The following ONECUT3 variants were observed in gnomAD, a reference collection of about 807,000 sequenced individuals.
ONECUT3 encodes the protein one cut domain family member 3.
Under a neutral mutation model 16.8 loss-of-function variants are expected in ONECUT3, and 11 were observed. The observed-to-expected ratio is 0.66, with a 90% CI of 0.41 to 1.09. The LOEUF is 1.09. Among genes scored for constraint, ONECUT3 ranks in the 50% least tolerant of loss-of-function variants. ONECUT3 has a pLI of 0.00. For synonymous variants in ONECUT3, 344 were observed against 310.7 expected (o/e 1.11, Z -1.13); for missense variants, 637 against 629.9 (o/e 1.01, Z -0.12).
At chr19:1,771,807 A>T (rs1404507488) in intron 1 of ONECUT3, among the ~76,000 whole-genome samples, 7 of 151,790 alleles carry the variant, frequency 4.6e-5, no homozygotes, top group African/African-American at 1.7e-4. Context: ...AGCATCCTGA[A>T]TAACTGGGAC....
chr19:1,761,781 C>G (rs182482959), intron 1 of ONECUT3, among the ~76,000 whole-genome samples: 1 of 152,214 alleles, frequency 6.6e-6, no homozygotes, highest in South Asian at 2.1e-4. Context: ...GGGACACCTA[C>G]GGCCTCAGTT....
rs1036695682 is a variant in ONECUT3, at chr19:1,766,803, C to A, written c.1193-8350C>A. ...CCGCAGCAGGGTCTTGCAGGCTGGG[C>A]TGAGACCCCCCCCCCATGCTCCACC... On this transcript the variant is annotated intron_variant, in intron 1 of 1. Transcript: ENST00000382349. This position sits in a 1 kb window ranked among gnomAD's most constrained non-coding sequence, Gnocchi z 4.0. Among the ~76,000 whole-genome samples, 2 of 147,864 alleles carry A rather than the reference C, an allele frequency of 1.4e-5. No homozygotes were observed. The highest frequency in any genetic ancestry group is 5.3e-5 in the African/African-American group (2 of 37,986).
At position 1,775,603 on chromosome 19, in the gene ONECUT3, C is replaced by T. The variant is rs1280381951; in HGVS notation, c.*158C>T. ...CACCCGGGGAGGGGGAAGCAGCACA[C>T]CCCCCAGCCCAAGTGCACAAAAAGG... On this transcript the variant is annotated 3_prime_UTR_variant, in exon 2 of 2. Transcript: ENST00000382349. The T allele has an allele frequency of 4.7e-6, 3 of 637,070 alleles. No individual in the cohort carries two copies. Among genetic ancestry groups the T allele is most frequent in the African/African-American group, 2.0e-5 (1 of 50,414 alleles). The allele number at this position is 637,070 out of a possible 1,614,324, so 39.5% of individuals were successfully genotyped here. A position where few individuals can be genotyped will look rare whatever the true frequency, so the allele number is the denominator to read the frequency against.
chr19:1,763,366 C>CAAAAAAAAAAAAAAAAAAAAAAAACAAA (rs2067957002), intron 1 of ONECUT3, among the ~76,000 whole-genome samples: 1 of 36,794 alleles, frequency 2.7e-5, no homozygotes, highest in African/African-American at 6.6e-5. Context: ...GACTCCATCT[C>CAAAAAAAAAAAAAAAAAAAAAAAACAAA]AAAAAAAAAA....
chr19:1,755,227 G>A lies in ONECUT3; in HGVS notation c.1192+373G>A, dbSNP rs1427915309. On this transcript the variant is annotated intron_variant, in intron 1 of 1. Coordinates refer to ENST00000382349, the MANE Select transcript of ONECUT3 (RefSeq NM_001080488.2). This position sits in a 1 kb window ranked among gnomAD's most constrained non-coding sequence, Gnocchi z 7.5. ...TGTGTGAGCGCGCGCCTGTTGGGGG[G>A]AGCTGTGTCCCCGAACGAGCTGCTG... 6.6e-6 allele frequency among the ~76,000 whole-genome samples: 1 copy of A among 151,802 alleles called. No individual in the cohort carries two copies. The highest frequency in any genetic ancestry group is 1.5e-5 in the Non-Finnish European group (1 of 67,932).
At chr19:1,772,414 C>A (rs914606630) in intron 1 of ONECUT3, among the ~76,000 whole-genome samples, 1 of 151,682 alleles carries the variant, frequency 6.6e-6, no homozygotes, top group African/African-American at 2.4e-5. Flanking sequence ...AGCCTTGAAC[C>A]CCCAGCCTCA....
chr19:1,774,030 G>C (rs2068081957), intron 1 of ONECUT3, among the ~76,000 whole-genome samples: 1 of 152,148 alleles, frequency 6.6e-6, no homozygotes, highest in Admixed American at 6.5e-5. Flanking sequence ...CAAGAGGAAG[G>C]GTGACCTGCT....
Position 1,764,333 on chromosome 19 carries a change from C to A in ONECUT3, c.1192+9479C>A, listed in dbSNP as rs910276341. 6.6e-6 allele frequency among the ~76,000 whole-genome samples: 1 copy of A among 152,138 alleles called. No homozygotes were observed. Among genetic ancestry groups the A allele is most frequent in the Non-Finnish European group, 1.5e-5 (1 of 68,022 alleles). The stretch of plus-strand genomic sequence containing the variant: ...CACGAGGGAGGGACAGCCCGAGAGT[C>A]CAAGTGGAAATGCGTTTCCCGGTTA... On this transcript the variant is annotated intron_variant, in intron 1 of 1. Transcript: ENST00000382349. The surrounding 1 kb of genome is among the most constrained non-coding windows in gnomAD (Gnocchi z 5.0).
chr19:1,769,080 T>C (rs2068028189), intron 1 of ONECUT3, among the ~76,000 whole-genome samples: 1 of 118,478 alleles, frequency 8.4e-6, no homozygotes, highest in Non-Finnish European at 1.7e-5. Context: ...GTGGTGGAAG[T>C]GGAGGTGGAG....
intron 1 of ONECUT3, among the ~76,000 whole-genome samples, chr19:1,765,758 G>C (rs73515185): frequency 0.036 from 5,445 of 152,316 alleles, 262 homozygotes; most frequent in East Asian, 0.19. Context: ...AGAGAGGCCA[G>C]GGTGCGCGTT....
rs544635433 is a variant in ONECUT3 at position 1,755,959 on chromosome 19, C to T, written c.1192+1105C>T. Among the ~76,000 whole-genome samples, 7 of 152,316 alleles carry T rather than the reference C, an allele frequency of 4.6e-5. No individual in the cohort carries two copies. Among genetic ancestry groups the T allele is most frequent in the Non-Finnish European group, 7.4e-5 (5 of 68,020 alleles). ...GTGGTGCTGGGGAGGGGGCTGTCCA[C>T]CCGGGCCACAGGGACAATAGCCGCG... is the stretch of plus-strand genomic sequence containing the variant. On this transcript the variant is annotated intron_variant, in intron 1 of 1. Transcript: ENST00000382349. This position sits in a 1 kb window ranked among gnomAD's most constrained non-coding sequence, Gnocchi z 7.5.
Position 1,754,179 on chromosome 19 carries a change from G to T in ONECUT3, c.517G>T (p.Asp173Tyr). 8.9e-7 allele frequency: 1 copy of T among 1,123,758 alleles called. No individual in the cohort carries two copies. Among genetic ancestry groups the T allele is most frequent in the Non-Finnish European group, 1.1e-6 (1 of 909,276 alleles). 69.6% of individuals were successfully genotyped at this position (1,123,758 alleles called of 1,614,324 possible). The change falls in exon 1 of 2, where the codon GAC becomes TAC. Residue 173 changes from aspartate (D) to tyrosine (Y), a missense_variant. By Grantham distance (160) the Asp-to-Tyr change is radical. This residue lies in a region of ONECUT3 where 419 missense variants were observed against 377.9 expected (regional missense o/e 1.11). Coordinates refer to ENST00000382349, the MANE Select transcript of ONECUT3 (RefSeq NM_001080488.2). The surrounding 1 kb of genome is among the most constrained non-coding windows in gnomAD (Gnocchi z 7.4). ...GAGCGGCAGCTTCACCCTCATGCGC[G>T]ACGAGCGGGCGGCGCTCGCCTCCGT... ...SVSGSFTLMRDERAALASVGH... is the reference protein window; with the variant it reads ...SVSGSFTLMRYERAALASVGH...
At position 1,758,128 on chromosome 19, in the gene ONECUT3, G is replaced by T. The variant is rs1330024636; in HGVS notation, c.1192+3274G>T. Among the ~76,000 whole-genome samples, 1 of 152,070 alleles carries T rather than the reference G, an allele frequency of 6.6e-6. No homozygotes were observed. Among genetic ancestry groups the T allele is most frequent in the African/African-American group, 2.4e-5 (1 of 41,404 alleles). On this transcript the variant is annotated intron_variant, in intron 1 of 1. Transcript: ENST00000382349. This position sits in a 1 kb window ranked among gnomAD's most constrained non-coding sequence, Gnocchi z 5.9. Reference sequence around the variant, plus strand: ...GGAGGGAGAAAGACCCGCAGGTGCAGACGGAGAGGGAGGGGGAGACGGGGA... The same window carrying T: ...GGAGGGAGAAAGACCCGCAGGTGCATACGGAGAGGGAGGGGGAGACGGGGA...
rs868547356 is a variant in ONECUT3 at position 1,755,568 on chromosome 19, C to T, written c.1192+714C>T. On this transcript the variant is annotated intron_variant, in intron 1 of 1. Transcript: ENST00000382349. This position sits in a 1 kb window ranked among gnomAD's most constrained non-coding sequence, Gnocchi z 7.5. ...ACACCCCGACCCGGCGCCCGCCCCG[C>T]GCAGTTTGGTCGTGGCTCGGGTGCG... 1.3e-5 allele frequency among the ~76,000 whole-genome samples: 2 copies of T among 151,992 alleles called. No homozygotes were observed. The highest frequency in any genetic ancestry group is 3.4e-3 in the Middle Eastern group (1 of 290).
In ONECUT3 at chr19:1,775,509, C is replaced by T; in HGVS notation, c.*64C>T. On this transcript the variant is annotated 3_prime_UTR_variant, in exon 2 of 2. Coordinates refer to ENST00000382349, the MANE Select transcript of ONECUT3 (RefSeq NM_001080488.2). Reference sequence around the variant, plus strand: ...GGGCGCTGTGCCCCCACGTCACCTCCCCACATCCTGCCGGCCCGGAGACCC... The same window carrying T: ...GGGCGCTGTGCCCCCACGTCACCTCTCCACATCCTGCCGGCCCGGAGACCC... 2 of 1,396,186 alleles carry T rather than the reference C, an allele frequency of 1.4e-6. No homozygotes were observed. Among genetic ancestry groups the T allele is most frequent in the Non-Finnish European group, 1.9e-6 (2 of 1,080,966 alleles). 86.5% of individuals were successfully genotyped at this position (1,396,186 alleles called of 1,614,324 possible).
In ONECUT3 at chr19:1,758,139, AG is replaced by A. The variant is rs1004237113; in HGVS notation, c.1192+3290del. Among the ~76,000 whole-genome samples the A allele has an allele frequency of 2.0e-5, 3 of 151,738 alleles. No individual in the cohort carries two copies. Among genetic ancestry groups the A allele is most frequent in the African/African-American group, 4.8e-5 (2 of 41,258 alleles). ...GACCCGCAGGTGCAGACGGAGAGGG[AG>A]GGGGAGACGGGGAGATGGAGAGAGA... On this transcript the variant is annotated intron_variant, in intron 1 of 1. Coordinates refer to ENST00000382349, the MANE Select transcript of ONECUT3 (RefSeq NM_001080488.2). The surrounding 1 kb of genome is among the most constrained non-coding windows in gnomAD (Gnocchi z 5.9).
At position 1,753,770 on chromosome 19, in the gene ONECUT3, CGGCCTGGTGGCGCCCGGGCGCCCG is replaced by C. The variant is rs2067900608; in HGVS notation, c.120_143del (p.Pro41_Ala48del). ...CGCGCTCGGCGGCGGCGCAGCACCGCGGCCTGGTGGCGCCCGGGCGCCCGGGCCTGGTGGCCGGCATGGCGAGCC... is the reference window on the plus strand; with the variant it reads ...CGCGCTCGGCGGCGGCGCAGCACCGCGGCCTGGTGGCCGGCATGGCGAGCC... On this transcript the variant is annotated inframe_deletion, in exon 1 of 2. Transcript: ENST00000382349. 1.5e-4 allele frequency: 146 copies of C among 990,440 alleles called. No individual in the cohort carries two copies. Among genetic ancestry groups the C allele is most frequent in the Non-Finnish European group, 1.7e-4 (145 of 834,024 alleles). 61.4% of individuals were successfully genotyped at this position (990,440 alleles called of 1,614,324 possible).
In ONECUT3 at chr19:1,764,710, G is replaced by A. The variant is rs1377233579; in HGVS notation, c.1192+9856G>A. On this transcript the variant is annotated intron_variant, in intron 1 of 1. Transcript: ENST00000382349. The surrounding 1 kb of genome is among the most constrained non-coding windows in gnomAD (Gnocchi z 5.0). ...CCGAGGGGTGCAGGGTGTAGACAGAGGGTGTAGGTATGTGACCCGGGCCCC... is the reference window on the plus strand; with the variant it reads ...CCGAGGGGTGCAGGGTGTAGACAGAAGGTGTAGGTATGTGACCCGGGCCCC... Among the ~76,000 whole-genome samples, 1 of 152,074 alleles carries A rather than the reference G, an allele frequency of 6.6e-6. No individual in the cohort carries two copies. The highest frequency in any genetic ancestry group is 1.5e-5 in the Non-Finnish European group (1 of 68,018).
intron 1 of ONECUT3, among the ~76,000 whole-genome samples, chr19:1,767,891 C>G (rs1199480760): frequency 6.6e-6 from 1 of 152,194 alleles, no homozygotes; most frequent in East Asian, 1.9e-4. Flanking sequence ...TAGTTGATCT[C>G]TGATCTCCTC....
Sources: gnomAD v4.1 joint callset for allele counts (sites outside exome capture counted in the v4.1 genomes callset) on GRCh38, gnomAD v4.1.1 for gene constraint, gnomAD v4.1.1 regional missense constraint, Gnocchi (gnomAD v3.1) non-coding constraint, MANE v1.5 for transcripts, NCBI Gene and HGNC (gene_info 2026-07-23, HGNC 2026-07-21) for gene names.